GEMIN6: variants seen among roughly 807,000 people sequenced by gnomAD.
GEMIN6 encodes the protein gem-associated protein 6.
In GEMIN6, 13 loss-of-function variants were observed where a neutral mutation model predicts 14.1. The ratio of observed to expected loss-of-function variants is 0.92; its 90% CI spans 0.60 to 1.46. The LOEUF is 1.46. Among genes scored for constraint, GEMIN6 ranks in the 40% most tolerant of loss-of-function variants. The probability of loss-of-function intolerance (pLI) is 0.00; values close to 1 mark genes in which losing one functional copy is unlikely to be tolerated. For missense variants in GEMIN6, 271 were observed against 202.4 expected, an observed-to-expected ratio of 1.34 and a Z score of -2.06; for synonymous variants, 87 against 70.0, an observed-to-expected ratio of 1.24 and a Z score of -1.21.
rs1171290307 is a variant in GEMIN6, at chr2:38,779,636, CTATATATATATA to C, written c.128+536_128+547del. ...AAATTGGGCATAGAAATTATTCTTA[CTATATATATATA>C]TATATATATATATATATTTTTTTTT... On this transcript the variant is annotated intron_variant, in intron 2 of 2. Coordinates refer to ENST00000281950, the MANE Select transcript of GEMIN6 (RefSeq NM_024775.10). Among the ~76,000 whole-genome samples, 82 of 36,078 alleles carry C rather than the reference CTATATATATATA, an allele frequency of 2.3e-3. 1 individual carries two copies. The highest frequency in any genetic ancestry group is 6.3e-3 in the African/African-American group (61 of 9,638). 23.7% of individuals were successfully genotyped at this position (36,078 alleles called of 152,430 possible).
chr2:38,783,524 G>C lies in GEMIN6; in HGVS notation c.*1632G>C, dbSNP rs1194927319. The C allele has an allele frequency of 7.1e-6, 1 of 140,162 alleles. No individual in the cohort carries two copies. Among genetic ancestry groups the C allele is most frequent in the Non-Finnish European group, 1.5e-5 (1 of 66,020 alleles). 8.7% of individuals were successfully genotyped at this position (140,162 alleles called of 1,614,324 possible). On this transcript the variant is annotated 3_prime_UTR_variant, in exon 3 of 3. Coordinates refer to ENST00000281950, the MANE Select transcript of GEMIN6 (RefSeq NM_024775.10). The stretch of plus-strand genomic sequence containing the variant: ...TTTTTTTTTTTTAAAAGAGGGTCTT[G>C]ATATGTTGCCCAGGCTTGTCTTCAA...
intron 1 of GEMIN6, among the ~76,000 whole-genome samples, chr2:38,778,665 C>T (rs1344849898): frequency 6.6e-6 from 1 of 152,110 alleles, no homozygotes; most frequent in African/African-American, 2.4e-5. Flanking sequence ...AGACCTGTGC[C>T]AGATGAATTT....
chr2:38,781,667 A>AT lies in GEMIN6; in HGVS notation c.280dup (p.Tyr94LeufsTer18). The AT allele has an allele frequency of 6.2e-7, 1 of 1,614,234 alleles. No individual in the cohort carries two copies. Among genetic ancestry groups the AT allele is most frequent in the African/African-American group, 1.3e-5 (1 of 75,064 alleles). On this transcript the variant is annotated frameshift_variant, in exon 3 of 3. Coordinates refer to ENST00000281950, the MANE Select transcript of GEMIN6 (RefSeq NM_024775.10). LOFTEE classifies it high-confidence loss of function. ...TGTTCACGTCTGGAGACTGCAAAGCATACAGCCCAGAGGATCTGGAAGAGA... is the reference window on the plus strand; with the variant it reads ...TGTTCACGTCTGGAGACTGCAAAGCATTACAGCCCAGAGGATCTGGAAGAGA...
At position 38,781,535 on chromosome 2, in the gene GEMIN6, C is replaced by G. The variant is rs1314343770; in HGVS notation, c.147C>G (p.Phe49Leu). ...TCCAAAGTATTGTCCTTGTGAACTT[C>G]CTTGAAGATGGCAGCATGTCTGTGA... ...PVSANIVLVN[F>L]LEDGSMSVTG... The change falls in exon 3 of 3, where the codon TTC becomes TTG. Residue 49 changes from phenylalanine to leucine, a missense_variant. Transcript: ENST00000281950. 6.2e-7 allele frequency: 1 copy of G among 1,612,578 alleles called. No individual in the cohort carries two copies. The highest frequency in any genetic ancestry group is 1.7e-5 in the Admixed American group (1 of 59,800).
At position 38,781,686 on chromosome 2, in the gene GEMIN6, G is replaced by A; in HGVS notation, c.298G>A (p.Glu100Lys). 6.2e-7 allele frequency: 1 copy of A among 1,614,198 alleles called. No individual in the cohort carries two copies. The highest frequency in any genetic ancestry group is 8.5e-7 in the Non-Finnish European group (1 of 1,180,036). ...DCKAYSPEDLEERKNSLKKWL... is the reference protein window; with the variant it reads ...DCKAYSPEDLKERKNSLKKWL... ...CAAAGCATACAGCCCAGAGGATCTG[G>A]AAGAGAGAAAGAACAGCCTAAAGAA... Residue 100 changes from glutamate (E) to lysine (K), a missense_variant, in exon 3 of 3, where the codon GAA becomes AAA. Coordinates refer to ENST00000281950, the MANE Select transcript of GEMIN6 (RefSeq NM_024775.10).
intron 2 of GEMIN6, among the ~76,000 whole-genome samples, chr2:38,780,918 C>T (rs1053335292): frequency 2.0e-5 from 3 of 151,818 alleles, no homozygotes; most frequent in Admixed American, 6.6e-5. Context: ...CGTGAGCCAC[C>T]ATGCCCGGCC....
At chr2:38,780,765 A>T (rs1669062809) in intron 2 of GEMIN6, among the ~76,000 whole-genome samples, 1 of 150,598 alleles carries the variant, frequency 6.6e-6, no homozygotes, top group Non-Finnish European at 1.5e-5. Flanking sequence ...AGTAGCTGGG[A>T]TTATAGACAT....
In GEMIN6 at chr2:38,779,047, G is replaced by A. The variant is rs774926487; in HGVS notation, c.57G>A (p.Glu19=). The change falls in exon 2 of 3, where the codon GAG becomes GAA. Residue 19 remains glutamate (E), a synonymous_variant. Transcript: ENST00000281950. ...AATGGCAAGATTACATTTACAAAGAGGTCCGAGTGACAGCCAGTGAGAAGA... is the reference window on the plus strand; with the variant it reads ...AATGGCAAGATTACATTTACAAAGAAGTCCGAGTGACAGCCAGTGAGAAGA... The part of the protein sequence containing the change: ...PLEWQDYIYK[E]VRVTASEKNE... The A allele has an allele frequency of 2.5e-6, 4 of 1,613,686 alleles. No individual in the cohort carries two copies. The South Asian group carries it at 3.3e-5, about 13-fold the overall frequency.
chr2:38,783,743 C>G lies in GEMIN6; in HGVS notation c.*1851C>G, dbSNP rs1669143241. Reference sequence around the variant, plus strand: ...AGATGGTATAGCCCAGTGCTTCTTGCACTTTAGCAAGCATCAGAATCAGCA... The same window carrying G: ...AGATGGTATAGCCCAGTGCTTCTTGGACTTTAGCAAGCATCAGAATCAGCA... On this transcript the variant is annotated 3_prime_UTR_variant, in exon 3 of 3. Coordinates refer to ENST00000281950, the MANE Select transcript of GEMIN6 (RefSeq NM_024775.10). 6.6e-6 allele frequency: 1 copy of G among 152,162 alleles called. No homozygotes were observed. The highest frequency in any genetic ancestry group is 1.5e-5 in the Non-Finnish European group (1 of 68,040). 9.4% of individuals were successfully genotyped at this position (152,162 alleles called of 1,614,324 possible). A position where few individuals can be genotyped will look rare whatever the true frequency, so the allele number is the denominator to read the frequency against.
intron 2 of GEMIN6, 85 bp downstream of exon 2, chr2:38,779,203 T>C (rs1669019857): frequency 7.6e-7 from 1 of 1,321,866 alleles, no homozygotes; most frequent in Admixed American, 2.3e-5. Flanking sequence ...AGCAGATAAA[T>C]GAAAAGCTAA....
chr2:38,783,255 T>G lies in GEMIN6; in HGVS notation c.*1363T>G, dbSNP rs1002970812. 6.5e-6 allele frequency: 1 copy of G among 152,890 alleles called. No individual in the cohort carries two copies. Among genetic ancestry groups the G allele is most frequent in the African/African-American group, 2.4e-5 (1 of 41,354 alleles). 9.5% of individuals were successfully genotyped at this position (152,890 alleles called of 1,614,324 possible). ...CAGGCTGGAGTGCAGTGGCACAATC[T>G]CGGCTCACTGCAACCTCTGCCTCCT... On this transcript the variant is annotated 3_prime_UTR_variant, in exon 3 of 3. Coordinates refer to ENST00000281950, the MANE Select transcript of GEMIN6 (RefSeq NM_024775.10).
rs1158107045 is a variant in GEMIN6, at chr2:38,782,289, G to C, written c.*397G>C. The stretch of plus-strand genomic sequence containing the variant: ...CTCTCGAGTAGCTGGGACTACAGGT[G>C]CACGCCACCACTCCCAGCTAATTTT... On this transcript the variant is annotated 3_prime_UTR_variant, in exon 3 of 3. Coordinates refer to ENST00000281950, the MANE Select transcript of GEMIN6 (RefSeq NM_024775.10). 1 of 160,046 alleles carries C rather than the reference G, an allele frequency of 6.2e-6. No individual in the cohort carries two copies. The highest frequency in any genetic ancestry group is 1.4e-5 in the Non-Finnish European group (1 of 73,642). The allele number at this position is 160,046 out of a possible 1,614,324, so 9.9% of individuals were successfully genotyped here. A position where few individuals can be genotyped will look rare whatever the true frequency, so the allele number is the denominator to read the frequency against.
intron 2 of GEMIN6, among the ~76,000 whole-genome samples, chr2:38,780,077 G>C (rs999924803): frequency 1.3e-4 from 20 of 151,548 alleles, no homozygotes; most frequent in Admixed American, 1.1e-3. Flanking sequence ...CCAGCACTTT[G>C]GGAGGCCGAG....
At chr2:38,779,636 C>CTATATACATATATA (rs1669029768) in intron 2 of GEMIN6, among the ~76,000 whole-genome samples, 1 of 36,074 alleles carries the variant, frequency 2.8e-5, no homozygotes, top group Non-Finnish European at 4.8e-5. Flanking sequence ...ATTATTCTTA[C>CTATATACATATATA]TATATATATA....
rs898619018 is a variant in GEMIN6, at chr2:38,784,182, A to T, written c.*2290A>T. On this transcript the variant is annotated 3_prime_UTR_variant, in exon 3 of 3. Transcript: ENST00000281950. ...CTGGATGTCTTCAGAAAGCAAATAG[A>T]AGGGGAATATGAACAGACTGAAGTC... 6.6e-6 allele frequency: 1 copy of T among 152,170 alleles called. No homozygotes were observed. Among genetic ancestry groups the T allele is most frequent in the African/African-American group, 2.4e-5 (1 of 41,450 alleles). 9.4% of individuals were successfully genotyped at this position (152,170 alleles called of 1,614,324 possible).
In GEMIN6 at chr2:38,778,221, A is replaced by G. The variant is rs147596385; in HGVS notation, c.-80A>G. 3 of 152,300 alleles carry G rather than the reference A, an allele frequency of 2.0e-5. No individual in the cohort carries two copies. The highest frequency in any genetic ancestry group is 7.2e-5 in the African/African-American group (3 of 41,574). The allele number at this position is 152,300 out of a possible 1,614,324, so 9.4% of individuals were successfully genotyped here. ...TGCTGGTCTCAGGCGGTCTCCGCTC[A>G]ACGATCCTTCCTCAAAGCATGGTTG... On this transcript the variant is annotated 5_prime_UTR_variant, in exon 1 of 3. Transcript: ENST00000281950.
intron 2 of GEMIN6, among the ~76,000 whole-genome samples, chr2:38,780,606 G>C (rs1669058343): frequency 6.6e-6 from 1 of 150,524 alleles, no homozygotes; most frequent in African/African-American, 2.5e-5. Context: ...CAAAGTGTTG[G>C]GGTTATAGGC....
intron 2 of GEMIN6, among the ~76,000 whole-genome samples, chr2:38,779,655 TA>T (rs1558337896): frequency 1.7e-3 from 56 of 33,670 alleles, no homozygotes; most frequent in Non-Finnish European, 4.1e-3. Flanking sequence ...TATATATATA[TA>T]TATATATATT....
At chr2:38,778,903 G>A in intron 1 of GEMIN6, 69 bp from the exon 2 acceptor site, 1 of 1,341,586 alleles carries the variant, frequency 7.5e-7, no homozygotes, top group Non-Finnish European at 1.0e-6. Context: ...TCTAGGATAG[G>A]ATGGAGATTA....
Sources: allele counts gnomAD v4.1 joint callset (sites outside exome capture counted in the v4.1 genomes callset), GRCh38; gene constraint gnomAD v4.1.1; transcripts MANE v1.5; gene names NCBI Gene and HGNC (gene_info 2026-07-23, HGNC 2026-07-21).